The following C12orf56 variants were observed in gnomAD, a reference collection of about 807,000 sequenced individuals.
The protein encoded by C12orf56 is chromosome 12 open reading frame 56, also known as uncharacterized protein C12orf56.
Under a neutral mutation model 69.9 loss-of-function variants are expected in C12orf56, and 71 were observed. The observed-to-expected ratio is 1.02, with a 90% confidence interval of 0.84 to 1.24. C12orf56 has a LOEUF of 1.24. Among genes scored for constraint, C12orf56 ranks in the 50% most tolerant of loss-of-function variants. The pLI is 0.00. For missense variants in C12orf56, 732 were observed against 738.5 expected (o/e 0.99, Z 0.10); for synonymous variants, 276 against 274.1 (o/e 1.01, Z -0.07).
chr12:64,325,700 A>C (rs1248459591), intron 3 of C12orf56, among the ~76,000 whole-genome samples: 1 of 152,124 alleles, frequency 6.6e-6, no homozygotes, highest in Non-Finnish European at 1.5e-5. Context: ...AGAAGGGGAG[A>C]CTTGAGTACC....
chr12:64,297,370 G>C (rs2038380260), intron 6 of C12orf56, among the ~76,000 whole-genome samples: 1 of 149,166 alleles, frequency 6.7e-6, no homozygotes, highest in Non-Finnish European at 1.5e-5. Flanking sequence ...ACCACAAATA[G>C]AGAGACTACC....
intron 3 of C12orf56, among the ~76,000 whole-genome samples, chr12:64,323,509 C>G (rs2038798340): frequency 6.6e-6 from 1 of 151,028 alleles, no homozygotes; most frequent in Non-Finnish European, 1.5e-5. Flanking sequence ...ATTTCTGTCA[C>G]TTTTAACAGA....
chr12:64,312,273 G>A (rs2038628207), intron 5 of C12orf56, among the ~76,000 whole-genome samples: 1 of 152,156 alleles, frequency 6.6e-6, no homozygotes, highest in Admixed American at 6.5e-5. Context: ...ATGAGGTAAA[G>A]GTATAACTGT....
At chr12:64,330,860 C>A (rs753893361) in intron 3 of C12orf56, 100 bp downstream of exon 3, 7 of 959,646 alleles carry the variant, frequency 7.3e-6, no homozygotes, top group Non-Finnish European at 1.1e-5. Flanking sequence ...AGAACTCAGT[C>A]CAAAGCCATT....
chr12:64,358,730 G>A (rs1018286400), intron 1 of C12orf56, among the ~76,000 whole-genome samples: 11 of 148,772 alleles, frequency 7.4e-5, no homozygotes, highest in Admixed American at 6.7e-4. Context: ...GGAGGGAGAG[G>A]TTGCAGTGAG....
chr12:64,328,544 G>C (rs983108448), intron 3 of C12orf56, among the ~76,000 whole-genome samples: 17 of 151,504 alleles, frequency 1.1e-4, no homozygotes, highest in Admixed American at 1.1e-3. Flanking sequence ...GCTGGACATG[G>C]TGGCGGGCGC....
intron 1 of C12orf56, among the ~76,000 whole-genome samples, chr12:64,388,307 T>A (rs1236295810): frequency 6.6e-6 from 1 of 152,158 alleles, no homozygotes; most frequent in African/African-American, 2.4e-5. Context: ...AGTGCAGTGG[T>A]GAGATCATGG....
At chr12:64,305,203 G>A (rs2038495780) in intron 5 of C12orf56, among the ~76,000 whole-genome samples, 1 of 152,118 alleles carries the variant, frequency 6.6e-6, no homozygotes, top group African/African-American at 2.4e-5. Flanking sequence ...AATAATAGCA[G>A]AGAGGCAGAG....
chr12:64,377,801 A>T (rs1592502615), intron 1 of C12orf56, among the ~76,000 whole-genome samples: 2 of 152,242 alleles, frequency 1.3e-5, no homozygotes, highest in South Asian at 4.1e-4. Flanking sequence ...AAAATGTAAG[A>T]TGGGTTTCTG....
intron 1 of C12orf56, among the ~76,000 whole-genome samples, chr12:64,384,474 G>A (rs551031384): frequency 6.6e-6 from 1 of 152,292 alleles, no homozygotes; most frequent in South Asian, 2.1e-4. Context: ...TAAAACTAGT[G>A]ATTAAAAATG....
At chr12:64,375,255 A>T (rs905336609) in intron 1 of C12orf56, among the ~76,000 whole-genome samples, 1 of 151,806 alleles carries the variant, frequency 6.6e-6, no homozygotes, top group Non-Finnish European at 1.5e-5. Flanking sequence ...CAGTTTCACC[A>T]TGTTGGCCAG....
chr12:64,321,126 A>G (rs1232616644), intron 3 of C12orf56, among the ~76,000 whole-genome samples: 1 of 152,204 alleles, frequency 6.6e-6, no homozygotes, highest in East Asian at 1.9e-4. Flanking sequence ...AATAGAAACA[A>G]TAATAGTACC....
chr12:64,336,935 T>A (rs2039004607), intron 2 of C12orf56, among the ~76,000 whole-genome samples: 2 of 152,176 alleles, frequency 1.3e-5, no homozygotes, highest in African/African-American at 4.8e-5. Flanking sequence ...TTATTTCATG[T>A]AATATAACAA....
chr12:64,332,495 T>C (rs1565760538), intron 2 of C12orf56, among the ~76,000 whole-genome samples: 1 of 152,198 alleles, frequency 6.6e-6, no homozygotes. Flanking sequence ...TTCTTCTGTC[T>C]CACTTCCTCT....
intron 2 of C12orf56, among the ~76,000 whole-genome samples, chr12:64,343,826 G>A (rs1357141060): frequency 6.6e-6 from 1 of 152,198 alleles, no homozygotes; most frequent in Non-Finnish European, 1.5e-5. Context: ...TCTAGATAGA[G>A]GCAGCTCTAA....
intron 6 of C12orf56, among the ~76,000 whole-genome samples, chr12:64,295,619 G>A (rs549955212): frequency 1.5e-4 from 23 of 152,020 alleles, no homozygotes; most frequent in African/African-American, 4.8e-4. Context: ...TGCAGTGAGC[G>A]GAGATGGTGC....
At chr12:64,323,066 T>C (rs1236802137) in intron 3 of C12orf56, among the ~76,000 whole-genome samples, 1 of 152,148 alleles carries the variant, frequency 6.6e-6, no homozygotes, top group African/African-American at 2.4e-5. Flanking sequence ...GAGTTAGCCT[T>C]TGTCTGGTGG....
chr12:64,329,529 A>T (rs953094163), intron 3 of C12orf56, among the ~76,000 whole-genome samples: 12 of 145,176 alleles, frequency 8.3e-5, no homozygotes, highest in South Asian at 4.3e-4. Flanking sequence ...TTATTTATTT[A>T]TTTTTTATTA....
chr12:64,343,323 C>A (rs1397362009), intron 2 of C12orf56, among the ~76,000 whole-genome samples: 2 of 152,282 alleles, frequency 1.3e-5, no homozygotes, highest in South Asian at 2.1e-4. Context: ...TAGATCCAAT[C>A]AGCATAATGT....
Sources: gnomAD v4.1 joint callset for allele counts (sites outside exome capture counted in the v4.1 genomes callset) on GRCh38, gnomAD v4.1.1 for gene constraint, MANE v1.5 for transcripts, NCBI Gene and HGNC (gene_info 2026-07-23, HGNC 2026-07-21) for gene names.